MBTPS1: variants seen among roughly 807,000 people sequenced by gnomAD.
The protein encoded by MBTPS1 is membrane bound transcription factor peptidase, site 1.
MBTPS1 carries 94 observed loss-of-function variants against 127.8 expected under a neutral mutation model. That is an observed-to-expected ratio of 0.74 (90% CI 0.62 to 0.87). The LOEUF (loss-of-function observed/expected upper bound fraction) is 0.87, where lower values mean the gene tolerates loss of function less well. Ranked by LOEUF, MBTPS1 falls within the 40% of genes least tolerant of loss-of-function variation. The pLI is 0.00. For synonymous variants in MBTPS1, 632 were observed against 509.4 expected (o/e 1.24, Z -3.24); for missense variants, 1,636 against 1,353.2 (o/e 1.21, Z -3.28).
chr16:84,080,384 G>C (rs1466186730), intron 11 of MBTPS1, among the ~76,000 whole-genome samples: 2 of 152,250 alleles, frequency 1.3e-5, no homozygotes, highest in Non-Finnish European at 2.9e-5. Flanking sequence ...TGAGTGAGTG[G>C]AAGTATGTGA....
chr16:84,076,742 T>C (rs982381872), intron 11 of MBTPS1, among the ~76,000 whole-genome samples: 3 of 152,106 alleles, frequency 2.0e-5, no homozygotes, highest in Non-Finnish European at 4.4e-5. Context: ...CTGTAAAACC[T>C]CCTGGAAGAC....
In MBTPS1 at chr16:84,093,791, G is replaced by A. The variant is rs2086143313; in HGVS notation, c.656C>T (p.Thr219Ile). The part of the protein sequence containing the change: ...GANVRVAVFD[T>I]GLSEKHPHFK... The stretch of plus-strand genomic sequence containing the variant: ...GTGGGGATGCTTCTCGCTCAGCCCA[G>A]TGTCAAAAACAGCAACTCTTACATT... The change falls in exon 5 of 23, where the codon ACT (threonine) becomes ATT (isoleucine). Residue 219 changes from threonine to isoleucine, a missense_variant. Coordinates refer to ENST00000343411, the MANE Select transcript of MBTPS1 (RefSeq NM_003791.4). The A allele has an allele frequency of 6.2e-7, 1 of 1,613,730 alleles. No homozygotes were observed. The highest frequency in any genetic ancestry group is 8.5e-7 in the Non-Finnish European group (1 of 1,179,832).
chr16:84,100,681 G>GCACTCCACT (rs1466378926), intron 2 of MBTPS1, among the ~76,000 whole-genome samples: 1 of 151,896 alleles, frequency 6.6e-6, no homozygotes, highest in Non-Finnish European at 1.5e-5. Flanking sequence ...GAGCTGAGAT[G>GCACTCCACT]GCACCACTGC....
chr16:84,093,052 G>C, intron 6 of MBTPS1, 136 bp downstream of exon 6: 2 of 672,688 alleles, frequency 3.0e-6, no homozygotes, highest in South Asian at 1.8e-5. Flanking sequence ...AGTAAACTGA[G>C]CATGCGTGCT....
chr16:84,081,895 G>C lies in MBTPS1; in HGVS notation c.1300C>G (p.Arg434Gly). ...ATACTGGCGGGATTCACCAGCTCAC[G>C]CTTCTGGACTGTGCTGGAGGAAAAA... ...VTLLVSTVQK[R>G]ELVNPASMKQ... is the part of the protein sequence containing the mutation. Residue 434 changes from arginine to glycine, a missense_variant, in exon 11 of 23, where the codon CGT (arginine) becomes GGT (glycine). Transcript: ENST00000343411. 1.4e-6 allele frequency: 2 copies of C among 1,418,800 alleles called. No individual in the cohort carries two copies. The highest frequency in any genetic ancestry group is 1.9e-6 in the Non-Finnish European group (2 of 1,076,936). 87.9% of individuals were successfully genotyped at this position (1,418,800 alleles called of 1,614,324 possible).
chr16:84,081,629 G>C, intron 11 of MBTPS1, 118 bp downstream of exon 11: 1 of 821,442 alleles, frequency 1.2e-6, no homozygotes, highest in East Asian at 3.0e-5. Flanking sequence ...CAAGCACCCC[G>C]AGAATTCTGT....
In MBTPS1 at chr16:84,095,619, C is replaced by A. The variant is rs905206543; in HGVS notation, c.608G>T (p.Trp203Leu). The A allele has an allele frequency of 9.3e-6, 15 of 1,614,158 alleles. No individual in the cohort carries two copies. The highest frequency in any genetic ancestry group is 1.7e-5 in the Admixed American group (1 of 60,028). Residue 203 changes from tryptophan (W) to leucine (L), a missense_variant, in exon 4 of 23, where the codon TGG becomes TTG. By Grantham distance (61) the Trp-to-Leu change is moderately conservative. Coordinates refer to ENST00000343411, the MANE Select transcript of MBTPS1 (RefSeq NM_003791.4). ...GCACACACCTGTATATCCCATCTGCCAGAGCACATCTGCCTGCAGTGTCTG... is the reference window on the plus strand; with the variant it reads ...GCACACACCTGTATATCCCATCTGCAAGAGCACATCTGCCTGCAGTGTCTG... ...VAQTLQADVL[W>L]QMGYTGANVR...
chr16:84,060,812 G>C lies in MBTPS1; in HGVS notation c.2574C>G (p.Asp858Glu), dbSNP rs142967505. 2.6e-4 allele frequency: 411 copies of C among 1,573,272 alleles called. No individual in the cohort carries two copies. Among genetic ancestry groups the C allele is most frequent in the Non-Finnish European group, 3.3e-4 (385 of 1,159,232 alleles). The change falls in exon 20 of 23, where the codon GAC becomes GAG. Residue 858 changes from aspartate (D) to glutamate (E), a missense_variant and splice_region_variant. Transcript: ENST00000343411. The part of the protein sequence containing the change: ...NCLDDSHRQK[D>E]CFWLLDALLQ... The stretch of plus-strand genomic sequence containing the variant: ...GGAGGGCATCCAGAAGCCAAAAGCA[G>C]TCTGCGAAGTCAACAAGCCTGTTTA...
intron 1 of MBTPS1, among the ~76,000 whole-genome samples, chr16:84,115,265 C>T (rs1353704748): frequency 6.6e-6 from 1 of 152,158 alleles, no homozygotes; most frequent in Non-Finnish European, 1.5e-5. Context: ...ACTAGAAGAG[C>T]TCCCACTTCT....
In MBTPS1 at chr16:84,091,792, G is replaced by T. The variant is rs770721658; in HGVS notation, c.903C>A (p.Ile301=). Residue 301 remains isoleucine, a synonymous_variant, in exon 7 of 23, where the codon ATC becomes ATA. Transcript: ENST00000343411. The part of the protein sequence containing the change: ...DAFNYAILKK[I]DVLNLSIGGP... ...CGCCGATGCTGAGGTTTAACACGTCGATCTTCTTTAAAATGGCATAGTTGA... is the reference window on the plus strand; with the variant it reads ...CGCCGATGCTGAGGTTTAACACGTCTATCTTCTTTAAAATGGCATAGTTGA... The T allele has an allele frequency of 3.1e-6, 5 of 1,614,122 alleles. No individual in the cohort carries two copies. In the South Asian group the frequency reaches 4.4e-5, roughly 14 times the overall value.
chr16:84,101,886 C>T lies in MBTPS1; in HGVS notation c.-103G>A. ...GTTTCAGCTAAAAGCTGCAACATTA[C>T]TAATCAGCCATCTTACAGTCTTGCC... On this transcript the variant is annotated 5_prime_UTR_variant, in exon 2 of 23. An upstream open reading frame in the 5' UTR loses its in-frame stop. Coordinates refer to ENST00000343411, the MANE Select transcript of MBTPS1 (RefSeq NM_003791.4). The T allele has an allele frequency of 9.1e-7, 1 of 1,104,624 alleles. No individual in the cohort carries two copies. The highest frequency in any genetic ancestry group is 1.5e-5 in the South Asian group (1 of 68,096). The allele number at this position is 1,104,624 out of a possible 1,614,324, so 68.4% of individuals were successfully genotyped here. A position where few individuals can be genotyped will look rare whatever the true frequency, so the allele number is the denominator to read the frequency against.
At position 84,067,678 on chromosome 16, in the gene MBTPS1, A is replaced by G. The variant is rs1261483781; in HGVS notation, c.2217T>C (p.Asp739=). 4 of 1,611,988 alleles carry G rather than the reference A, an allele frequency of 2.5e-6. No homozygotes were observed. Among genetic ancestry groups the G allele is most frequent in the Middle Eastern group, 1.7e-4 (1 of 6,058 alleles). ...TSVMRKVKFY[D]ENTRQWWMPD... is the part of the protein sequence containing the mutation. ...CGTATCAACAGTACCTTGTGTTTTC[A>G]TCATAAAACTTCACTTTTCTCATAA... Residue 739 remains aspartate, a synonymous_variant, in exon 16 of 23, where the codon GAT becomes GAC. Coordinates refer to ENST00000343411, the MANE Select transcript of MBTPS1 (RefSeq NM_003791.4).
chr16:84,067,003 T>C (rs2085694434), intron 16 of MBTPS1, among the ~76,000 whole-genome samples: 1 of 151,946 alleles, frequency 6.6e-6, no homozygotes, highest in Admixed American at 6.6e-5. Context: ...ACATTGGGAG[T>C]CCTTGATCCC....
At chr16:84,098,353 G>A (rs544210386) in intron 3 of MBTPS1, among the ~76,000 whole-genome samples, 2 of 152,330 alleles carry the variant, frequency 1.3e-5, no homozygotes, top group East Asian at 1.9e-4. Flanking sequence ...ACTCACGCCT[G>A]TAATCCCAGC....
chr16:84,060,534 T>G (rs1597302651), intron 20 of MBTPS1, 148 bp downstream of exon 20: 1 of 838,192 alleles, frequency 1.2e-6, no homozygotes, highest in Non-Finnish European at 1.8e-6. Context: ...AGCCGCTGAG[T>G]GCTGCTCTAC....
intron 1 of MBTPS1, among the ~76,000 whole-genome samples, chr16:84,108,040 T>C (rs1470077160): frequency 6.6e-6 from 1 of 151,762 alleles, no homozygotes; most frequent in Non-Finnish European, 1.5e-5. Context: ...ACAGACTCAC[T>C]AGACAAGTCA....
intron 11 of MBTPS1, 62 bp from the exon 12 acceptor site, chr16:84,074,803 A>G: frequency 6.9e-7 from 1 of 1,443,568 alleles, no homozygotes; most frequent in African/African-American, 1.4e-5. Flanking sequence ...AAGCAACACA[A>G]CTGTACAAGA....
intron 10 of MBTPS1, among the ~76,000 whole-genome samples, chr16:84,084,094 G>A (rs1379825676): frequency 6.6e-6 from 1 of 152,080 alleles, no homozygotes. Context: ...TGAGTAGCTG[G>A]GATTACAGCC....
At chr16:84,093,049 T>C in intron 6 of MBTPS1, 139 bp downstream of exon 6, 1 of 663,432 alleles carries the variant, frequency 1.5e-6, no homozygotes. Context: ...AACAGTAAAC[T>C]GAGCATGCGT....
Sources: allele counts gnomAD v4.1 joint callset (sites outside exome capture counted in the v4.1 genomes callset), GRCh38; gene constraint gnomAD v4.1.1; transcripts MANE v1.5; gene names NCBI Gene and HGNC (gene_info 2026-07-23, HGNC 2026-07-21).